The following VSNL1 variants were observed in gnomAD, a reference collection of about 807,000 sequenced individuals.
VSNL1 encodes visinin like 1.
VSNL1 carries 6 observed loss-of-function variants against 20.4 expected under a neutral mutation model. That is an observed-to-expected ratio of 0.29 (90% CI 0.16 to 0.58). The LOEUF (loss-of-function observed/expected upper bound fraction) is 0.58. Among genes scored for constraint, VSNL1 ranks in the 20% least tolerant of loss-of-function variants. The pLI is 0.90. For missense variants in VSNL1, 100 were observed against 234.5 expected (o/e 0.43, Z 3.75); for synonymous variants, 93 against 86.4 (o/e 1.08, Z -0.42).
At chr2:17,569,499 G>A (rs992742949) in intron 1 of VSNL1, among the ~76,000 whole-genome samples, 9 of 151,444 alleles carry the variant, frequency 5.9e-5, no homozygotes, top group African/African-American at 1.2e-4. Flanking sequence ...GTCTTATCTC[G>A]CTTTGGAGCT....
chr2:17,591,453 T>C (rs1222393431), intron 1 of VSNL1, among the ~76,000 whole-genome samples: 3 of 152,242 alleles, frequency 2.0e-5, no homozygotes, highest in Non-Finnish European at 4.4e-5. Flanking sequence ...ATTAAGATTT[T>C]GTCAACTCTG....
rs1175382887 is a variant in VSNL1, at chr2:17,551,728, TAGA to T, written c.-6+10814_-6+10816del. On this transcript the variant is annotated intron_variant, in intron 1 of 3. Transcript: ENST00000295156. ...GACATTCTTCCAAAGAGGTGCTCAG[TAGA>T]AGACCATGTACTTAGAAGGCTTACC... 2.6e-5 allele frequency among the ~76,000 whole-genome samples: 4 copies of T among 152,214 alleles called. No individual in the cohort carries two copies. The East Asian group carries it at 7.7e-4, about 29-fold the overall frequency.
At chr2:17,638,162 T>A (rs1665797348) in intron 2 of VSNL1, among the ~76,000 whole-genome samples, 1 of 152,144 alleles carries the variant, frequency 6.6e-6, no homozygotes, top group African/African-American at 2.4e-5. Context: ...AAGGCCAAAT[T>A]GCCTGAGTTC....
rs560421693 is a variant in VSNL1, at chr2:17,655,969, G to T, written c.*575G>T. ...ATTCTTACCTCATTTGCATCCTATC[G>T]ATCTGGAAAGAGCTGTTTTGGATGA... On this transcript the variant is annotated 3_prime_UTR_variant, in exon 4 of 4. Transcript: ENST00000295156. The surrounding 1 kb of genome is among the most constrained non-coding windows in gnomAD (Gnocchi z 5.2). 6.5e-6 allele frequency: 1 copy of T among 152,704 alleles called. No individual in the cohort carries two copies. 9.5% of individuals were successfully genotyped at this position (152,704 alleles called of 1,614,324 possible).
chr2:17,653,794 T>C (rs973959275), intron 3 of VSNL1, among the ~76,000 whole-genome samples: 3 of 152,194 alleles, frequency 2.0e-5, no homozygotes, highest in African/African-American at 7.2e-5. Flanking sequence ...TAAATGATTT[T>C]TACTAAGTGT....
intron 2 of VSNL1, among the ~76,000 whole-genome samples, chr2:17,605,070 TG>T (rs1264723602): frequency 6.6e-6 from 1 of 152,212 alleles, no homozygotes; most frequent in African/African-American, 2.4e-5. Flanking sequence ...TTTAGGGCAA[TG>T]GCCTTCACTT....
chr2:17,615,235 C>T (rs2103397012), intron 2 of VSNL1, among the ~76,000 whole-genome samples: 1 of 152,304 alleles, frequency 6.6e-6, no homozygotes, highest in African/African-American at 2.4e-5. Flanking sequence ...GCGTTTACTT[C>T]CAGGAAGTGG....
chr2:17,593,049 A>G lies in VSNL1; in HGVS notation c.162+813A>G, dbSNP rs1356369869. On this transcript the variant is annotated intron_variant, in intron 2 of 3. Coordinates refer to ENST00000295156, the MANE Select transcript of VSNL1 (RefSeq NM_003385.5). Reference sequence around the variant, plus strand: ...ATACCAAATAGAAAAATATTGCTTTATATCATTTAATTAGCAAATGTTGAT... The same window carrying G: ...ATACCAAATAGAAAAATATTGCTTTGTATCATTTAATTAGCAAATGTTGAT... Among the ~76,000 whole-genome samples, 3 of 152,352 alleles carry G rather than the reference A, an allele frequency of 2.0e-5. No individual in the cohort carries two copies. In the East Asian group the frequency reaches 5.8e-4, roughly 29 times the overall value.
In VSNL1 at chr2:17,651,447, T is replaced by TG. The variant is rs1350272426; in HGVS notation, c.378+1823dup. ...CCTAGGAGGAGGGCACACAGACCAA[T>TG]GCAATGCTCTTAACGGGTGAAGAAG... On this transcript the variant is annotated intron_variant, in intron 3 of 3. Transcript: ENST00000295156. Among the ~76,000 whole-genome samples, 6 of 152,332 alleles carry TG rather than the reference T, an allele frequency of 3.9e-5. No homozygotes were observed. In the East Asian group the frequency reaches 1.2e-3, roughly 29 times the overall value.
chr2:17,559,686 G>T lies in VSNL1; in HGVS notation c.-6+18768G>T, dbSNP rs187845185. On this transcript the variant is annotated intron_variant, in intron 1 of 3. Transcript: ENST00000295156. ...GTAAATCACATTCATTTACTTACAAGAATTTTAAAGTAATTTAAGTGTTAT... is the reference window on the plus strand; with the variant it reads ...GTAAATCACATTCATTTACTTACAATAATTTTAAAGTAATTTAAGTGTTAT... Among the ~76,000 whole-genome samples, 5 of 152,160 alleles carry T rather than the reference G, an allele frequency of 3.3e-5. No homozygotes were observed. The East Asian group carries it at 9.7e-4, about 29-fold the overall frequency.
chr2:17,598,681 C>T (rs1008378428), intron 2 of VSNL1, among the ~76,000 whole-genome samples: 4 of 152,158 alleles, frequency 2.6e-5, no homozygotes, highest in African/African-American at 9.7e-5. Context: ...CTTGGGGTAG[C>T]TTTAATCAGA....
In VSNL1 at chr2:17,540,764, G is replaced by A. The variant is rs1289765723; in HGVS notation, c.-160G>A. 1 of 152,686 alleles carries A rather than the reference G, an allele frequency of 6.5e-6. No individual in the cohort carries two copies. Among genetic ancestry groups the A allele is most frequent in the Non-Finnish European group, 1.5e-5 (1 of 68,066 alleles). 9.5% of individuals were successfully genotyped at this position (152,686 alleles called of 1,614,324 possible). ...GGGCTTGCAAGGCGCGATCCAAGAG[G>A]GATTTAAGCAGCCCAGAGCTCCAGA... is the stretch of plus-strand genomic sequence containing the variant. On this transcript the variant is annotated 5_prime_UTR_variant, in exon 1 of 4. Transcript: ENST00000295156.
chr2:17,610,018 T>G (rs1175445250), intron 2 of VSNL1, among the ~76,000 whole-genome samples: 1 of 152,126 alleles, frequency 6.6e-6, no homozygotes, highest in Non-Finnish European at 1.5e-5. Flanking sequence ...GCAACAGAGG[T>G]CTTTATTTAA....
At chr2:17,583,735 T>G (rs1229792922) in intron 1 of VSNL1, among the ~76,000 whole-genome samples, 1 of 152,204 alleles carries the variant, frequency 6.6e-6, no homozygotes, top group Admixed American at 6.5e-5. Context: ...TCAGGTCGGA[T>G]ATGATGCACT....
chr2:17,646,436 C>G (rs1443133126), intron 2 of VSNL1, among the ~76,000 whole-genome samples: 2 of 152,208 alleles, frequency 1.3e-5, no homozygotes, highest in African/African-American at 4.8e-5. Context: ...GATTTGCATT[C>G]AAATCCAGCC....
intron 2 of VSNL1, among the ~76,000 whole-genome samples, chr2:17,619,506 C>T (rs1041192234): frequency 3.3e-5 from 5 of 152,182 alleles, no homozygotes; most frequent in Non-Finnish European, 1.5e-5. Context: ...GACTCAGCAG[C>T]CCCCGAGCCT....
intron 3 of VSNL1, among the ~76,000 whole-genome samples, chr2:17,652,088 T>G (rs534799810): frequency 6.6e-6 from 1 of 152,300 alleles, no homozygotes; most frequent in Non-Finnish European, 1.5e-5. Context: ...TTTAGTGAGG[T>G]TTCTCTACTC....
At chr2:17,575,629 A>G (rs146395874) in intron 1 of VSNL1, among the ~76,000 whole-genome samples, 5,019 of 151,888 alleles carry the variant, frequency 0.033, 89 homozygotes, top group East Asian at 0.098. Flanking sequence ...TCCGCCTCCC[A>G]GGTTCAAGCG....
chr2:17,595,912 G>C (rs1421097681), intron 2 of VSNL1, among the ~76,000 whole-genome samples: 1 of 152,066 alleles, frequency 6.6e-6, no homozygotes, highest in Non-Finnish European at 1.5e-5. Flanking sequence ...ATGTCTTATT[G>C]TTGCTACAGT....
Sources: gnomAD v4.1 joint callset for allele counts (sites outside exome capture counted in the v4.1 genomes callset) on GRCh38, gnomAD v4.1.1 for gene constraint, Gnocchi (gnomAD v3.1) non-coding constraint, MANE v1.5 for transcripts, NCBI Gene and HGNC (gene_info 2026-07-23, HGNC 2026-07-21) for gene names.